PKD2L2: variants seen among roughly 807,000 people sequenced by gnomAD.
The protein encoded by PKD2L2 is polycystin 2 like 2, transient receptor potential cation channel.
A neutral mutation model predicts 83.9 loss-of-function variants in PKD2L2; 67 were observed. The observed-to-expected ratio is 0.80, with a 90% CI of 0.66 to 0.98. The LOEUF is 0.98. Among genes scored for constraint, PKD2L2 ranks in the 50% least tolerant of loss-of-function variants. The pLI is 0.00. For missense variants in PKD2L2, 632 were observed against 717.2 expected, an observed-to-expected ratio of 0.88 and a Z score of 1.36; for synonymous variants, 223 against 237.8, an observed-to-expected ratio of 0.94 and a Z score of 0.57.
At chr5:137,942,058 T>C (rs1242014651) in intron 14 of PKD2L2, 1 of 1,600,648 alleles carries the variant, frequency 6.2e-7, no homozygotes, top group Admixed American at 1.7e-5. Flanking sequence ...AGAATTGAAA[T>C]GGTAAAATAC....
chr5:137,900,237 T>A (rs1032393201), intron 5 of PKD2L2, among the ~76,000 whole-genome samples: 2 of 152,226 alleles, frequency 1.3e-5, no homozygotes, highest in East Asian at 3.8e-4. Context: ...GTGTTATGAG[T>A]ATCCATTTAA....
intron 12 of PKD2L2, among the ~76,000 whole-genome samples, chr5:137,932,935 C>T (rs1759995770): frequency 6.6e-6 from 1 of 151,746 alleles, no homozygotes; most frequent in South Asian, 2.1e-4. Context: ...TGTGATGAGG[C>T]TGCTTCTGAG....
At chr5:137,911,268 A>C (rs1757812281) in intron 8 of PKD2L2, among the ~76,000 whole-genome samples, 1 of 152,150 alleles carries the variant, frequency 6.6e-6, no homozygotes, top group African/African-American at 2.4e-5. Context: ...AATGCCCTTA[A>C]GTTTCATCCA....
In PKD2L2 at chr5:137,899,612, G is replaced by A. The variant is rs543661989; in HGVS notation, c.621G>A (p.Ser207=). The A allele has an allele frequency of 5.3e-5, 85 of 1,613,698 alleles. No homozygotes were observed. The South Asian group carries it at 7.4e-4, about 14-fold the overall frequency. The change falls in exon 5 of 15, where the codon TCG becomes TCA. Residue 207 remains serine (S), a synonymous_variant. Transcript: ENST00000508883. ...GATACATTTTCACTTTATCAAAATC[G>A]AAATCTGAAACCAAAAACAAGTTCA... The part of the protein sequence containing the change: ...NGGYIFTLSK[S]KSETKNKFID...
chr5:137,891,906 G>A (rs960512506), intron 2 of PKD2L2, among the ~76,000 whole-genome samples: 17 of 152,018 alleles, frequency 1.1e-4, no homozygotes, highest in East Asian at 5.8e-4. Flanking sequence ...GTCTGGTCTC[G>A]AACTCCTGAT....
intron 8 of PKD2L2, among the ~76,000 whole-genome samples, chr5:137,914,389 AT>A (rs1758136331): frequency 6.6e-6 from 1 of 152,172 alleles, no homozygotes; most frequent in African/African-American, 2.4e-5. Flanking sequence ...TATAATTCAA[AT>A]ATTCCAAAAT....
intron 12 of PKD2L2, among the ~76,000 whole-genome samples, chr5:137,926,838 A>G (rs892220583): frequency 6.6e-6 from 1 of 152,152 alleles, no homozygotes; most frequent in African/African-American, 2.4e-5. Context: ...AGGAGGGCTG[A>G]CTTTTCCCTA....
intron 4 of PKD2L2, among the ~76,000 whole-genome samples, chr5:137,897,292 A>C (rs1237793106): frequency 1.3e-5 from 2 of 151,972 alleles, no homozygotes; most frequent in African/African-American, 4.8e-5. Context: ...CCTGGGCTCA[A>C]GCAATTCACC....
At chr5:137,919,129 T>C (rs1758659833) in intron 8 of PKD2L2, among the ~76,000 whole-genome samples, 1 of 152,128 alleles carries the variant, frequency 6.6e-6, no homozygotes, top group South Asian at 2.1e-4. Flanking sequence ...TAATGACAAA[T>C]GGCATGTTCT....
intron 8 of PKD2L2, among the ~76,000 whole-genome samples, chr5:137,911,341 A>C (rs938409291): frequency 6.6e-6 from 1 of 152,184 alleles, no homozygotes; most frequent in African/African-American, 2.4e-5. Context: ...CATTATATGT[A>C]TATTCCACAT....
intron 5 of PKD2L2, among the ~76,000 whole-genome samples, chr5:137,904,081 T>A (rs1266671128): frequency 6.6e-6 from 1 of 152,212 alleles, no homozygotes; most frequent in Non-Finnish European, 1.5e-5. Flanking sequence ...TTAAACCTTA[T>A]GATTTTAATC....
chr5:137,934,410 AC>A (rs1760133168), intron 12 of PKD2L2, among the ~76,000 whole-genome samples: 1 of 152,204 alleles, frequency 6.6e-6, no homozygotes, highest in Admixed American at 6.5e-5. Context: ...TTCAGGGACT[AC>A]CACTTTAGCA....
chr5:137,920,627 C>T (rs1328070688), intron 8 of PKD2L2, among the ~76,000 whole-genome samples: 1 of 151,910 alleles, frequency 6.6e-6, no homozygotes, highest in Non-Finnish European at 1.5e-5. Context: ...CGTGGTGGCA[C>T]ACGCCTGTAG....
At chr5:137,892,666 T>C in intron 3 of PKD2L2, 53 bp downstream of exon 3, 2 of 1,453,108 alleles carry the variant, frequency 1.4e-6, no homozygotes, top group Non-Finnish European at 1.9e-6. Flanking sequence ...CCATGAACCC[T>C]TGGCATACAC....
chr5:137,932,792 C>T (rs1466491779), intron 12 of PKD2L2, among the ~76,000 whole-genome samples: 2 of 152,088 alleles, frequency 1.3e-5, no homozygotes, highest in African/African-American at 4.8e-5. Flanking sequence ...TTCCGCATTC[C>T]TAATTCAAAA....
At chr5:137,917,681 CAT>C (rs1300910007) in intron 8 of PKD2L2, among the ~76,000 whole-genome samples, 4 of 150,932 alleles carry the variant, frequency 2.7e-5, no homozygotes, top group African/African-American at 9.7e-5. Flanking sequence ...TTATTTTATC[CAT>C]GTTTTCCTTT....
Position 137,890,556 on chromosome 5 carries a change from T to C in PKD2L2, c.107T>C (p.Phe36Ser), listed in dbSNP as rs1755875050. 1 of 1,500,440 alleles carries C rather than the reference T, an allele frequency of 6.7e-7. No individual in the cohort carries two copies. The highest frequency in any genetic ancestry group is 1.2e-5 in the South Asian group (1 of 81,750). The allele number at this position is 1,500,440 out of a possible 1,614,324, so 92.9% of individuals were successfully genotyped here. A position where few individuals can be genotyped will look rare whatever the true frequency, so the allele number is the denominator to read the frequency against. ...TTTLQELLLYFIFLINLCILT... is the reference protein window; with the variant it reads ...TTTLQELLLYSIFLINLCILT... ...ACACTTCAGGAATTGTTACTCTACT[T>C]TATTTTTTTAATAAACCTATGTATA... The change falls in exon 2 of 15, where the codon TTT becomes TCT. Residue 36 changes from phenylalanine (F) to serine (S), a missense_variant. Phe to Ser is a radical substitution (Grantham distance 155). Transcript: ENST00000508883.
chr5:137,904,413 T>C (rs1757204994), intron 5 of PKD2L2, among the ~76,000 whole-genome samples: 1 of 152,210 alleles, frequency 6.6e-6, no homozygotes, highest in Admixed American at 6.5e-5. Flanking sequence ...CAACAGTGTC[T>C]ACTATACACC....
chr5:137,901,326 T>C (rs1024430629), intron 5 of PKD2L2, among the ~76,000 whole-genome samples: 2 of 152,064 alleles, frequency 1.3e-5, no homozygotes, highest in African/African-American at 4.8e-5. Flanking sequence ...GCAGACAATA[T>C]AGCAGACGTC....
Sources: gnomAD v4.1 joint callset for allele counts (sites outside exome capture counted in the v4.1 genomes callset) on GRCh38, gnomAD v4.1.1 for gene constraint, MANE v1.5 for transcripts, NCBI Gene and HGNC (gene_info 2026-07-23, HGNC 2026-07-21) for gene names.